Variants in SRGAP3 observed in about 807,000 individuals in gnomAD.
The protein encoded by SRGAP3 is SLIT-ROBO Rho GTPase activating protein 3, also known as SLIT-ROBO Rho GTPase-activating protein 3.
SRGAP3 carries 39 observed loss-of-function variants against 121.1 expected under a neutral mutation model. That is an observed-to-expected ratio of 0.32 (90% CI 0.25 to 0.42). The LOEUF is 0.42. SRGAP3 is among the 10% of genes least tolerant of loss of function. SRGAP3 has a pLI of 1.00. For synonymous variants in SRGAP3, 601 were observed against 570.0 expected (o/e 1.05, Z -0.77); for missense variants, 1,213 against 1,470.6 (o/e 0.82, Z 2.86).
At chr3:9,361,677 T>C (rs755536992) in intron 1 of SRGAP3, among the ~76,000 whole-genome samples, 1 of 152,180 alleles carries the variant, frequency 6.6e-6, no homozygotes, top group Non-Finnish European at 1.5e-5. Context: ...TTAGATTTTC[T>C]TTCCTAAGGG....
chr3:9,084,313 G>A (rs939197106), intron 3 of SRGAP3, among the ~76,000 whole-genome samples: 7 of 152,212 alleles, frequency 4.6e-5, no homozygotes, highest in Non-Finnish European at 8.8e-5. Context: ...CAAGACGGTG[G>A]ATTCTGGTGT....
intron 3 of SRGAP3, among the ~76,000 whole-genome samples, chr3:9,299,318 G>A (rs568887679): frequency 4.9e-4 from 70 of 143,942 alleles, no homozygotes; most frequent in Non-Finnish European, 6.1e-4. Flanking sequence ...CCAAGATCGC[G>A]CCACTGCACT....
At chr3:9,145,441 A>G (rs1396838160) in intron 1 of SRGAP3, among the ~76,000 whole-genome samples, 2 of 152,154 alleles carry the variant, frequency 1.3e-5, no homozygotes, top group East Asian at 1.9e-4. Flanking sequence ...AGTTTTTAAT[A>G]TAAGTTTTTA....
chr3:9,334,054 A>AATATTAATATTAATATCATTTAACATG (rs1191277943), intron 1 of SRGAP3, among the ~76,000 whole-genome samples: 101 of 152,036 alleles, frequency 6.6e-4, no homozygotes, highest in African/African-American at 2.2e-3. Context: ...TTAATATTTT[A>AATATTAATATTAATATCATTTAACATG]ATATTAATAT....
chr3:9,004,649 G>C (rs529015853), intron 18 of SRGAP3, among the ~76,000 whole-genome samples: 1 of 152,064 alleles, frequency 6.6e-6, no homozygotes, highest in South Asian at 2.1e-4. Flanking sequence ...TTTTAACAAG[G>C]GTGCTAAGAC....
intron 3 of SRGAP3, among the ~76,000 whole-genome samples, chr3:9,290,754 A>G (rs1954856533): frequency 6.6e-6 from 1 of 152,222 alleles, no homozygotes; most frequent in Non-Finnish European, 1.5e-5. Context: ...CAAGCTTGCA[A>G]GTAAACCTTA....
chr3:9,056,470 A>G (rs1460439357), intron 7 of SRGAP3, 136 bp from the exon 8 acceptor site: 1 of 885,550 alleles, frequency 1.1e-6, no homozygotes, highest in Non-Finnish European at 1.8e-6. Context: ...GACCTGCTCA[A>G]GGTCACAGAG....
At chr3:9,065,948 C>G (rs1412876521) in intron 4 of SRGAP3, among the ~76,000 whole-genome samples, 2 of 152,114 alleles carry the variant, frequency 1.3e-5, no homozygotes, top group East Asian at 3.9e-4. Flanking sequence ...TCTACCAGAT[C>G]ATCCTAGATT....
At chr3:9,309,039 G>C (rs544262470) in intron 3 of SRGAP3, among the ~76,000 whole-genome samples, 1 of 152,300 alleles carries the variant, frequency 6.6e-6, no homozygotes, top group African/African-American at 2.4e-5. Flanking sequence ...ACATTACCAA[G>C]TATGGTTCAA....
intron 1 of SRGAP3, among the ~76,000 whole-genome samples, chr3:9,166,382 T>C (rs1021540021): frequency 2.0e-5 from 3 of 152,170 alleles, no homozygotes; most frequent in Non-Finnish European, 2.9e-5. Flanking sequence ...AATTTGGTTA[T>C]CCTCTTTGTT....
At chr3:9,092,164 T>C (rs1947784990) in intron 3 of SRGAP3, among the ~76,000 whole-genome samples, 1 of 152,014 alleles carries the variant, frequency 6.6e-6, no homozygotes, top group Non-Finnish European at 1.5e-5. Context: ...GGACCCTGTT[T>C]ATGCTGAAAG....
At chr3:9,247,830 G>A (rs771870815) in intron 1 of SRGAP3, among the ~76,000 whole-genome samples, 1 of 152,232 alleles carries the variant, frequency 6.6e-6, no homozygotes, top group Non-Finnish European at 1.5e-5. Context: ...CAAGAGGCAC[G>A]AGCCCAGGCT....
chr3:9,064,352 T>C (rs1946319771), intron 5 of SRGAP3, 44 bp downstream of exon 5: 1 of 1,613,228 alleles, frequency 6.2e-7, no homozygotes, highest in Non-Finnish European at 8.5e-7. Context: ...CCCTCCCCTT[T>C]GTGCCCTGTC....
rs144015894 is a variant in SRGAP3 at position 8,990,637 on chromosome 3, C to T, written c.2761G>A (p.Gly921Ser). The change falls in exon 21 of 22, where the codon GGC becomes AGC. Residue 921 changes from glycine to serine, a missense_variant. Gly to Ser is a moderately conservative substitution (Grantham distance 56). This residue lies in a region of SRGAP3 where 420 missense variants were observed against 437.7 expected (regional missense o/e 0.96). Coordinates refer to ENST00000383836, the MANE Select transcript of SRGAP3 (RefSeq NM_014850.4). ...KRRMATFGSA[G>S]SINYPDKKAL... ...TTCTTGTCAGGGTAGTTGATGCTGCCAGCGCTCCCGAACGTCGCCATCCTC... is the reference window on the plus strand; with the variant it reads ...TTCTTGTCAGGGTAGTTGATGCTGCTAGCGCTCCCGAACGTCGCCATCCTC... The T allele has an allele frequency of 8.0e-5, 129 of 1,613,406 alleles. No individual in the cohort carries two copies. The highest frequency in any genetic ancestry group is 1.0e-4 in the Non-Finnish European group (122 of 1,179,912).
At chr3:9,070,163 T>G (rs13088083) in intron 4 of SRGAP3, among the ~76,000 whole-genome samples, 18,926 of 152,250 alleles carry the variant, frequency 0.12, 1,209 homozygotes, top group Middle Eastern at 0.23. Flanking sequence ...GTACCATCTT[T>G]CAGCCCCTCA....
Position 9,038,608 on chromosome 3 carries a change from T to G in SRGAP3, c.1409-518A>C, listed in dbSNP as rs981390832. ...CCGTAAGGCTGGTGCTCCTCCACCC[T>G]GCTGCCCTGCCTCTGCCTTCATTCC... On this transcript the variant is annotated intron_variant, in intron 10 of 21. Coordinates refer to ENST00000383836, the MANE Select transcript of SRGAP3 (RefSeq NM_014850.4). 9.9e-5 allele frequency among the ~76,000 whole-genome samples: 15 copies of G among 152,264 alleles called. 1 individual carries two copies. The highest frequency in any genetic ancestry group is 1.5e-5 in the Non-Finnish European group (1 of 68,046).
chr3:9,123,397 A>ATATATATATATATAT (rs764680440), intron 2 of SRGAP3, among the ~76,000 whole-genome samples: 2 of 89,168 alleles, frequency 2.2e-5, no homozygotes, highest in African/African-American at 7.6e-5. Flanking sequence ...ATACATACAC[A>ATATATATATATATAT]ATACACATAC....
At chr3:9,159,418 A>C (rs559874618) in intron 1 of SRGAP3, among the ~76,000 whole-genome samples, 30 of 152,280 alleles carry the variant, frequency 2.0e-4, no homozygotes, top group Admixed American at 5.2e-4. Flanking sequence ...CACCTGGGCC[A>C]CTGTAGGACA....
intron 3 of SRGAP3, chr3:9,081,355 C>T (rs1374423180): frequency 8.9e-6 from 4 of 449,926 alleles, no homozygotes; most frequent in African/African-American, 6.0e-5. Flanking sequence ...GCCTCTGGGG[C>T]ACAAGGCAAA....
Sources: allele counts gnomAD v4.1 joint callset (sites outside exome capture counted in the v4.1 genomes callset), GRCh38; gene constraint gnomAD v4.1.1; regional missense constraint gnomAD v4.1.1; transcripts MANE v1.5; gene names NCBI Gene and HGNC (gene_info 2026-07-23, HGNC 2026-07-21).